The following JADE1 variants were observed in gnomAD, a reference collection of about 807,000 sequenced individuals.
JADE1 encodes the protein jade family PHD finger 1, also known as protein Jade-1.
JADE1 carries 14 observed loss-of-function variants against 81.8 expected under a neutral mutation model. That is an observed-to-expected ratio of 0.17 (90% CI 0.11 to 0.27). The LOEUF is 0.27. Ranked by LOEUF, JADE1 falls within the 10% of genes least tolerant of loss-of-function variation. The pLI, the probability that JADE1 is intolerant of heterozygous loss-of-function variation, is 1.00. For missense variants in JADE1, 690 were observed against 1,047.9 expected, an observed-to-expected ratio of 0.66 and a Z score of 4.71; for synonymous variants, 353 against 391.9, an observed-to-expected ratio of 0.90 and a Z score of 1.17.
intron 3 of JADE1, among the ~76,000 whole-genome samples, chr4:128,845,865 A>G (rs1445572162): frequency 6.6e-6 from 1 of 151,706 alleles, no homozygotes; most frequent in African/African-American, 2.4e-5. Flanking sequence ...CAGAGGTTGC[A>G]GGGAGCCAAG....
intron 8 of JADE1, among the ~76,000 whole-genome samples, chr4:128,858,029 T>C (rs114632009): frequency 0.013 from 1,924 of 152,242 alleles, 45 homozygotes; most frequent in African/African-American, 0.044. Context: ...CTGTGTATGC[T>C]GTCATCTCAT....
intron 9 of JADE1, among the ~76,000 whole-genome samples, chr4:128,866,405 A>G (rs1020853165): frequency 6.6e-6 from 1 of 152,252 alleles, no homozygotes; most frequent in African/African-American, 2.4e-5. Context: ...TTAGGCCAGG[A>G]GATATTACCA....
intron 7 of JADE1, 29 bp downstream of exon 7, chr4:128,855,826 TAC>T: frequency 6.6e-7 from 1 of 1,526,504 alleles, no homozygotes; most frequent in Non-Finnish European, 8.9e-7. Flanking sequence ...TTGTTGTTTT[TAC>T]TTTTTTTTAA....
intron 2 of JADE1, among the ~76,000 whole-genome samples, chr4:128,838,352 A>T (rs1729149569): frequency 6.6e-6 from 1 of 152,220 alleles, no homozygotes; most frequent in Admixed American, 6.5e-5. Flanking sequence ...AAGTGAACTT[A>T]ACTTTAGGTA....
Position 128,844,680 on chromosome 4 carries a change from C to T in JADE1, c.138+1642C>T, listed in dbSNP as rs1729717937. Among the ~76,000 whole-genome samples, 2 of 152,050 alleles carry T rather than the reference C, an allele frequency of 1.3e-5. 1 individual carries two copies. The highest frequency in any genetic ancestry group is 4.1e-4 in the South Asian group (2 of 4,822). Reference sequence around the variant, plus strand: ...GAGTTGGTGTCCACTGGGCTGGGCACCTGCTTCTGCGGCTCTATGCTTGAA... The same window carrying T: ...GAGTTGGTGTCCACTGGGCTGGGCATCTGCTTCTGCGGCTCTATGCTTGAA... On this transcript the variant is annotated intron_variant, in intron 3 of 10. Transcript: ENST00000226319.
At chr4:128,811,239 C>G (rs1044379754) in intron 1 of JADE1, 8 of 152,226 alleles carry the variant, frequency 5.3e-5, no homozygotes, top group Admixed American at 4.6e-4. Flanking sequence ...CCTTCCCGCT[C>G]CCCCCCGCCC....
chr4:128,826,738 C>A (rs549094117), intron 1 of JADE1, among the ~76,000 whole-genome samples: 1 of 152,252 alleles, frequency 6.6e-6, no homozygotes, highest in Non-Finnish European at 1.5e-5. Context: ...TTGAGAGAAT[C>A]TGTTCTCCAG....
intron 1 of JADE1, among the ~76,000 whole-genome samples, chr4:128,820,114 ATTTC>A (rs1461319470): frequency 1.3e-5 from 2 of 149,556 alleles, no homozygotes. Flanking sequence ...TTTTGGGAAG[ATTTC>A]TTTTTTTTTT....
intron 1 of JADE1, 102 bp downstream of exon 1, chr4:128,809,979 GCGA>G (rs1382254882): frequency 6.2e-5 from 10 of 160,160 alleles, no homozygotes; most frequent in Non-Finnish European, 1.2e-4. Flanking sequence ...TCCCGCGGCG[GCGA>G]CGGCGGCGGC....
chr4:128,828,837 G>A (rs1307597182), intron 1 of JADE1, among the ~76,000 whole-genome samples: 2 of 151,958 alleles, frequency 1.3e-5, no homozygotes, highest in African/African-American at 4.8e-5. Context: ...TAGAGATAGG[G>A]GTCTCCCTGT....
rs2125909038 is a variant in JADE1, at chr4:128,872,847, AG to A, written c.*587del. On this transcript the variant is annotated 3_prime_UTR_variant, in exon 11 of 11. Transcript: ENST00000226319. ...CAGTCAGGGAAGAGAATTTTAAAAA[AG>A]GTCATTATTGAAGAAGCTGAGGGGA... 2.2e-6 allele frequency: 1 copy of A among 449,220 alleles called. No homozygotes were observed. The highest frequency in any genetic ancestry group is 7.0e-5 in the East Asian group (1 of 14,296). The allele number at this position is 449,220 out of a possible 1,614,324, so 27.8% of individuals were successfully genotyped here. A position where few individuals can be genotyped will look rare whatever the true frequency, so the allele number is the denominator to read the frequency against.
chr4:128,859,566 A>C, intron 8 of JADE1, among the ~76,000 whole-genome samples: 1 of 48,232 alleles, frequency 2.1e-5, no homozygotes, highest in East Asian at 1.3e-3. Context: ...TATGTGTGTG[A>C]GTATGCGTGT....
intron 1 of JADE1, among the ~76,000 whole-genome samples, chr4:128,818,344 C>T (rs1027840183): frequency 1.3e-5 from 2 of 152,114 alleles, no homozygotes; most frequent in Non-Finnish European, 2.9e-5. Context: ...TGGTCTCGAA[C>T]TCTTGACCTC....
rs557972987 is a variant in JADE1 at position 128,872,697 on chromosome 4, A to G, written c.*435A>G. On this transcript the variant is annotated 3_prime_UTR_variant, in exon 11 of 11. Coordinates refer to ENST00000226319, the MANE Select transcript of JADE1 (RefSeq NM_199320.4). ...TCACAGCCCATAAAGTTTATTTTCTAGGACTGTGGTAGATCTTGAAATCAT... is the reference window on the plus strand; with the variant it reads ...TCACAGCCCATAAAGTTTATTTTCTGGGACTGTGGTAGATCTTGAAATCAT... 2.8e-5 allele frequency: 8 copies of G among 284,708 alleles called. No individual in the cohort carries two copies. In the Admixed American group the frequency reaches 3.3e-4, roughly 12 times the overall value. The allele number at this position is 284,708 out of a possible 1,614,324, so 17.6% of individuals were successfully genotyped here.
intron 1 of JADE1, among the ~76,000 whole-genome samples, chr4:128,825,499 T>C (rs1195957600): frequency 1.3e-5 from 2 of 152,240 alleles, no homozygotes; most frequent in Non-Finnish European, 2.9e-5. Context: ...GTGGCTCCTC[T>C]GAATCTATTG....
At chr4:128,833,164 G>A (rs1728689020) in intron 2 of JADE1, among the ~76,000 whole-genome samples, 1 of 152,100 alleles carries the variant, frequency 6.6e-6, no homozygotes, top group East Asian at 1.9e-4. Flanking sequence ...GTGCAGGCAG[G>A]TAAAGCCACC....
chr4:128,870,721 C>T (rs1306561107), intron 10 of JADE1, among the ~76,000 whole-genome samples: 2 of 152,204 alleles, frequency 1.3e-5, no homozygotes, highest in Non-Finnish European at 2.9e-5. Context: ...ATTTAACTTA[C>T]TTCAAGTTGA....
At chr4:128,843,966 T>C (rs113466996) in intron 3 of JADE1, among the ~76,000 whole-genome samples, 7 of 152,288 alleles carry the variant, frequency 4.6e-5, no homozygotes, top group African/African-American at 1.7e-4. Flanking sequence ...TGGAAAACCA[T>C]CCCAGGAGGC....
At chr4:128,826,135 TC>T (rs1728040347) in intron 1 of JADE1, among the ~76,000 whole-genome samples, 1 of 152,198 alleles carries the variant, frequency 6.6e-6, no homozygotes, top group African/African-American at 2.4e-5. Context: ...AAGTGGACAC[TC>T]CAGGCTCCGA....
Sources: allele counts gnomAD v4.1 joint callset (sites outside exome capture counted in the v4.1 genomes callset), GRCh38; gene constraint gnomAD v4.1.1; transcripts MANE v1.5; gene names NCBI Gene and HGNC (gene_info 2026-07-23, HGNC 2026-07-21).